The following ABCB5 variants were observed in gnomAD, a reference collection of about 807,000 sequenced individuals.
The protein encoded by ABCB5 is ATP-binding cassette sub-family B member 5.
ABCB5 carries 155 observed loss-of-function variants against 144.2 expected under a neutral mutation model. The ratio of observed to expected loss-of-function variants is 1.08; its 90% CI spans 0.94 to 1.23. The LOEUF (loss-of-function observed/expected upper bound fraction) is 1.23. Ranked by LOEUF, ABCB5 falls within the 50% of genes most tolerant of loss-of-function variation. The pLI is 0.00. For synonymous variants in ABCB5, 610 were observed against 528.6 expected (o/e 1.15, Z -2.11); for missense variants, 1,830 against 1,520.8 (o/e 1.20, Z -3.38).
At chr7:20,626,518 C>G (rs761103435) in intron 2 of ABCB5, 39 bp from the exon 3 acceptor site, 3 of 1,564,186 alleles carry the variant, frequency 1.9e-6, no homozygotes, top group Non-Finnish European at 2.6e-6. Context: ...AAATTATATT[C>G]ACATTGTAAC....
intron 23 of ABCB5, among the ~76,000 whole-genome samples, chr7:20,732,963 C>A (rs1382056668): frequency 6.6e-6 from 1 of 152,144 alleles, no homozygotes; most frequent in Non-Finnish European, 1.5e-5. Context: ...AACGGCAAAT[C>A]TTGATTGAAT....
intron 26 of ABCB5, among the ~76,000 whole-genome samples, chr7:20,746,378 G>A (rs1171351850): frequency 2.6e-5 from 4 of 152,110 alleles, no homozygotes; most frequent in South Asian, 2.1e-4. Context: ...GATTACAGGC[G>A]TGAGCCATCG....
rs760059529 is a variant in ABCB5, at chr7:20,685,835, A to T, written c.2009A>T (p.Glu670Val). 6.3e-7 allele frequency: 1 copy of T among 1,586,262 alleles called. No individual in the cohort carries two copies. The highest frequency in any genetic ancestry group is 1.2e-5 in the South Asian group (1 of 84,772). The change falls in exon 16 of 28, where the codon GAG becomes GTG. Residue 670 changes from glutamate to valine, a missense_variant and splice_region_variant. Coordinates refer to ENST00000404938, the MANE Select transcript of ABCB5 (RefSeq NM_001163941.2). ...DKAEESTQSK[E>V]ISLPEVSLLK... ...GCTGAGGAATCCACCCAATCTAAAG[A>T]GGTAATGGCTCAGCGATCAACCAGT...
intron 26 of ABCB5, among the ~76,000 whole-genome samples, chr7:20,746,605 T>C (rs889736130): frequency 1.3e-5 from 2 of 152,238 alleles, no homozygotes; most frequent in African/African-American, 2.4e-5. Context: ...TTTTATCACC[T>C]TGATGTCTGT....
rs141732176 is a variant in ABCB5 at position 20,678,185 on chromosome 7, T to C, written c.1708-3320T>C. ...AAATTTTTTTAAAACATAATTATAA[T>C]AGGATACATATTTTTCCTGCATTTT... On this transcript the variant is annotated intron_variant, in intron 14 of 27. Coordinates refer to ENST00000404938, the MANE Select transcript of ABCB5 (RefSeq NM_001163941.2). Among the ~76,000 whole-genome samples, 720 of 152,344 alleles carry C rather than the reference T, an allele frequency of 4.7e-3. 45 individuals carry two copies. The South Asian group carries it at 0.12, about 25-fold the overall frequency.
chr7:20,751,458 G>A (rs1032677704), intron 26 of ABCB5, among the ~76,000 whole-genome samples: 25 of 151,982 alleles, frequency 1.6e-4, no homozygotes, highest in African/African-American at 5.3e-4. Context: ...GCTACAGAGC[G>A]AGACTCCGTA....
intron 1 of ABCB5, among the ~76,000 whole-genome samples, chr7:20,620,098 G>C (rs554652392): frequency 6.6e-6 from 1 of 152,238 alleles, no homozygotes; most frequent in African/African-American, 2.4e-5. Context: ...TTGAAGTCAG[G>C]TAATGTGATG....
chr7:20,747,878 T>A (rs1181029302), intron 26 of ABCB5, among the ~76,000 whole-genome samples: 1 of 152,142 alleles, frequency 6.6e-6, no homozygotes, highest in Non-Finnish European at 1.5e-5. Context: ...TATTACTAAA[T>A]GCCTTCGGTT....
chr7:20,682,709 A>C (rs112745308), intron 15 of ABCB5, among the ~76,000 whole-genome samples: 4,427 of 152,270 alleles, frequency 0.029, 167 homozygotes, highest in African/African-American at 0.081. Flanking sequence ...GGCACTCAAT[A>C]AACACTTGCT....
intron 27 of ABCB5, among the ~76,000 whole-genome samples, 187 bp downstream of exon 27, chr7:20,753,693 T>C (rs538289729): frequency 9.2e-5 from 14 of 152,216 alleles, no homozygotes; most frequent in Non-Finnish European, 2.1e-4. Context: ...TGGGAGACAG[T>C]TGAGACAGAG....
At chr7:20,746,327 G>A (rs987160465) in intron 26 of ABCB5, among the ~76,000 whole-genome samples, 3 of 152,010 alleles carry the variant, frequency 2.0e-5, no homozygotes, top group Admixed American at 6.6e-5. Context: ...TCAAACTCCC[G>A]ACCTCAGGTG....
rs182514126 is a variant in ABCB5, at chr7:20,647,286, C to T, written c.982-249C>T. On this transcript the variant is annotated intron_variant, in intron 9 of 27. Coordinates refer to ENST00000404938, the MANE Select transcript of ABCB5 (RefSeq NM_001163941.2). Reference sequence around the variant, plus strand: ...GATAACCACAAGACTATGAGATAATCAAAAGTTGTTCCTTATTAGGAAAAG... The same window carrying T: ...GATAACCACAAGACTATGAGATAATTAAAAGTTGTTCCTTATTAGGAAAAG... The T allele has an allele frequency of 2.9e-4, 357 of 1,232,764 alleles. 3 individuals carry two copies. In the African/African-American group the frequency reaches 4.7e-3, roughly 16 times the overall value. 76.4% of individuals were successfully genotyped at this position (1,232,764 alleles called of 1,614,324 possible).
intron 5 of ABCB5, among the ~76,000 whole-genome samples, chr7:20,633,042 A>T (rs1784072157): frequency 6.7e-6 from 1 of 150,264 alleles, no homozygotes; most frequent in Admixed American, 6.6e-5. Context: ...ATAAAAAGAA[A>T]ATTCTATTTC....
rs746177833 is a variant in ABCB5, at chr7:20,681,556, C to T, written c.1759C>T (p.Arg587Ter). 18 of 1,614,026 alleles carry T rather than the reference C, an allele frequency of 1.1e-5. No homozygotes were observed. The highest frequency in any genetic ancestry group is 4.0e-5 in the African/African-American group (3 of 74,908). Residue 587 changes from arginine (R) to a stop codon, truncating the protein, a stop_gained, in exon 15 of 28, where the codon CGA becomes TGA. Coordinates refer to ENST00000404938, the MANE Select transcript of ABCB5 (RefSeq NM_001163941.2). LOFTEE classifies it high-confidence loss of function. ...IVVAHRLSTI[R>*]SADLIVTLKD... is the part of the protein sequence containing the mutation. Reference sequence around the variant, plus strand: ...GGTAGCACACCGACTTTCTACTATTCGAAGTGCAGATTTGATTGTGACCCT... The same window carrying T: ...GGTAGCACACCGACTTTCTACTATTTGAAGTGCAGATTTGATTGTGACCCT...
At chr7:20,736,823 A>G (rs1399073667) in intron 23 of ABCB5, among the ~76,000 whole-genome samples, 2 of 152,042 alleles carry the variant, frequency 1.3e-5, no homozygotes, top group Admixed American at 6.6e-5. Context: ...TCTGTAGCAG[A>G]CCAGTTTTTT....
chr7:20,654,520 C>T (rs1405882018), intron 13 of ABCB5, among the ~76,000 whole-genome samples: 1 of 152,132 alleles, frequency 6.6e-6, no homozygotes, highest in East Asian at 1.9e-4. Flanking sequence ...ATTTATACGA[C>T]ATTCCAGCCA....
chr7:20,668,865 C>T (rs1290559044), intron 14 of ABCB5, among the ~76,000 whole-genome samples: 16 of 124,790 alleles, frequency 1.3e-4, no homozygotes, highest in Admixed American at 3.8e-4. Flanking sequence ...GTCAGCCCCC[C>T]GCCCAGCCGG....
At chr7:20,690,144 C>A (rs1356361579) in intron 16 of ABCB5, among the ~76,000 whole-genome samples, 1 of 152,094 alleles carries the variant, frequency 6.6e-6, no homozygotes, top group Non-Finnish European at 1.5e-5. Context: ...CAACTTTTTC[C>A]CCCCATTAAC....
intron 13 of ABCB5, 123 bp downstream of exon 13, chr7:20,651,746 C>G: frequency 9.8e-7 from 1 of 1,023,044 alleles, no homozygotes; most frequent in Non-Finnish European, 1.4e-6. Context: ...CTGGATTGTC[C>G]TAGAACAAGC....
Sources: gnomAD v4.1 joint callset for allele counts (sites outside exome capture counted in the v4.1 genomes callset) on GRCh38, gnomAD v4.1.1 for gene constraint, MANE v1.5 for transcripts, NCBI Gene and HGNC (gene_info 2026-07-23, HGNC 2026-07-21) for gene names.